The following IQCM variants were observed in gnomAD, a reference collection of about 807,000 sequenced individuals.
IQCM encodes IQ domain-containing protein M.
IQCM carries 45 observed loss-of-function variants against 57.6 expected under a neutral mutation model. The ratio of observed to expected loss-of-function variants is 0.78; its 90% CI spans 0.62 to 1.00. IQCM has a LOEUF of 1.00. Ranked by LOEUF, IQCM falls within the 50% of genes least tolerant of loss-of-function variation. The pLI is 0.00. For synonymous variants in IQCM, 148 were observed against 158.9 expected, an observed-to-expected ratio of 0.93 and a Z score of 0.51; for missense variants, 468 against 511.6, an observed-to-expected ratio of 0.91 and a Z score of 0.82.
intron 8 of IQCM, among the ~76,000 whole-genome samples, chr4:149,599,900 G>T (rs1358608898): frequency 1.3e-5 from 2 of 152,104 alleles, no homozygotes; most frequent in African/African-American, 2.4e-5. Context: ...CCAGATTGAA[G>T]AAATGAATTT....
intron 2 of IQCM, among the ~76,000 whole-genome samples, chr4:149,753,487 T>C (rs1768658809): frequency 6.6e-6 from 1 of 151,888 alleles, no homozygotes; most frequent in African/African-American, 2.4e-5. Context: ...TATAAGAGAA[T>C]CAGTGAGCTA....
At position 149,553,152 on chromosome 4, in the gene IQCM, G is replaced by A. The variant is rs549063456; in HGVS notation, c.1084C>T (p.Arg362Ter). The A allele has an allele frequency of 1.9e-4, 230 of 1,231,280 alleles. No homozygotes were observed. In the South Asian group the frequency reaches 2.1e-3, roughly 11 times the overall value. The allele number at this position is 1,231,280 out of a possible 1,614,324, so 76.3% of individuals were successfully genotyped here. Reference protein sequence around the residue: ...NLAELEEWMDRKKFYEIMFAK... With the variant: ...NLAELEEWMD ...TGTCTGCATCACTTACATTTTTTTC[G>A]GTCCATCCACTCCTCTAGCTCTGCT... Residue 362 changes from arginine to a stop codon, truncating the protein, a stop_gained, in exon 11 of 14, where the codon CGA (arginine) becomes TGA (stop). Coordinates refer to ENST00000636793, the MANE Select transcript of IQCM (RefSeq NM_001363507.2). LOFTEE classifies it high-confidence loss of function.
At chr4:149,799,582 C>G (rs919428881) in intron 2 of IQCM, among the ~76,000 whole-genome samples, 1 of 151,416 alleles carries the variant, frequency 6.6e-6, no homozygotes, top group South Asian at 2.1e-4. Flanking sequence ...AAATGACCAA[C>G]CTTTAGCTAG....
chr4:149,692,498 G>GA (rs964866177), intron 5 of IQCM, among the ~76,000 whole-genome samples: 8 of 151,650 alleles, frequency 5.3e-5, no homozygotes, highest in South Asian at 2.1e-4. Context: ...CTATTTTAGA[G>GA]AAAAAAAACT....
intron 13 of IQCM, among the ~76,000 whole-genome samples, chr4:149,375,275 G>C (rs1376900227): frequency 6.6e-6 from 1 of 152,194 alleles, no homozygotes; most frequent in South Asian, 2.1e-4. Flanking sequence ...ACTACATTCA[G>C]CTGCTATTTG....
chr4:149,597,087 C>T (rs1579636199), intron 8 of IQCM, among the ~76,000 whole-genome samples: 1 of 150,952 alleles, frequency 6.6e-6, no homozygotes, highest in African/African-American at 2.4e-5. Flanking sequence ...ATTGAAGAAA[C>T]AAAAAAAATT....
intron 7 of IQCM, among the ~76,000 whole-genome samples, chr4:149,677,595 A>G (rs1047564748): frequency 2.0e-5 from 3 of 151,994 alleles, no homozygotes; most frequent in African/African-American, 7.2e-5. Flanking sequence ...AATAAGACCA[A>G]ATTAATCTTA....
In IQCM at chr4:149,755,594, C is replaced by T. The variant is rs73857748; in HGVS notation, c.-48-12855G>A. 3.5e-3 allele frequency among the ~76,000 whole-genome samples: 529 copies of T among 152,320 alleles called. 4 individuals are homozygous for T. The highest frequency in any genetic ancestry group is 0.012 in the African/African-American group (493 of 41,576). On this transcript the variant is annotated intron_variant, in intron 2 of 13. Transcript: ENST00000636793. The stretch of plus-strand genomic sequence containing the variant: ...GAGGCCTTCACCAGCCACCCATTCA[C>T]GATTGCAACCCTCCCTAAATCCCTC...
intron 8 of IQCM, among the ~76,000 whole-genome samples, chr4:149,603,447 C>T (rs1172687025): frequency 6.6e-6 from 1 of 152,092 alleles, no homozygotes; most frequent in Non-Finnish European, 1.5e-5. Context: ...AACACAACAA[C>T]TTGGTGTAGC....
intron 8 of IQCM, among the ~76,000 whole-genome samples, chr4:149,620,461 C>T (rs1372979425): frequency 6.6e-6 from 1 of 152,170 alleles, no homozygotes; most frequent in Non-Finnish European, 1.5e-5. Context: ...CACAACAGAA[C>T]ATGTGGGAGA....
intron 13 of IQCM, among the ~76,000 whole-genome samples, chr4:149,386,035 T>A (rs1731399136): frequency 6.6e-6 from 1 of 152,122 alleles, no homozygotes; most frequent in Non-Finnish European, 1.5e-5. Context: ...TTTAAAATCC[T>A]TCATTGGCTT....
intron 12 of IQCM, among the ~76,000 whole-genome samples, chr4:149,494,081 A>G (rs999469981): frequency 2.6e-5 from 4 of 151,642 alleles, no homozygotes; most frequent in Non-Finnish European, 4.4e-5. Context: ...CCACTTCACA[A>G]TATATAAAAA....
chr4:149,803,404 G>T (rs555239683), intron 2 of IQCM, among the ~76,000 whole-genome samples: 2 of 152,044 alleles, frequency 1.3e-5, no homozygotes, highest in South Asian at 4.1e-4. Flanking sequence ...TTGAGAGAAG[G>T]TTGGAAGTTT....
chr4:149,423,511 A>G (rs1484378662), intron 13 of IQCM, among the ~76,000 whole-genome samples: 2 of 152,000 alleles, frequency 1.3e-5, no homozygotes, highest in Non-Finnish European at 2.9e-5. Context: ...AGCTTTGAAT[A>G]ATGTTAAAGA....
intron 2 of IQCM, among the ~76,000 whole-genome samples, chr4:149,756,220 C>A (rs1408004369): frequency 6.6e-6 from 1 of 152,154 alleles, no homozygotes; most frequent in Non-Finnish European, 1.5e-5. Flanking sequence ...GTGCCTACAA[C>A]ACTGACTGGA....
At chr4:149,797,079 G>C (rs1773178222) in intron 2 of IQCM, among the ~76,000 whole-genome samples, 1 of 152,052 alleles carries the variant, frequency 6.6e-6, no homozygotes, top group East Asian at 1.9e-4. Flanking sequence ...TAAGACACCA[G>C]GGGCCAATCC....
intron 5 of IQCM, among the ~76,000 whole-genome samples, chr4:149,722,714 G>C (rs1765554231): frequency 6.6e-6 from 1 of 151,772 alleles, no homozygotes; most frequent in South Asian, 2.1e-4. Context: ...ATTTCAAATA[G>C]GGTAATGTGA....
intron 7 of IQCM, among the ~76,000 whole-genome samples, chr4:149,668,531 G>T (rs1439951586): frequency 1.3e-5 from 2 of 152,178 alleles, no homozygotes; most frequent in East Asian, 1.9e-4. Flanking sequence ...CAAGGGGAGG[G>T]ATAACGTTAG....
intron 12 of IQCM, among the ~76,000 whole-genome samples, chr4:149,446,922 C>A (rs1393095557): frequency 6.6e-6 from 1 of 151,116 alleles, no homozygotes; most frequent in Non-Finnish European, 1.5e-5. Flanking sequence ...GTTAAAAGAG[C>A]AAAAATCTAA....
Sources: allele counts gnomAD v4.1 joint callset (sites outside exome capture counted in the v4.1 genomes callset), GRCh38; gene constraint gnomAD v4.1.1; transcripts MANE v1.5; gene names NCBI Gene and HGNC (gene_info 2026-07-23, HGNC 2026-07-21).